Variants in LRP1B observed in about 807,000 individuals in gnomAD.
LRP1B encodes low-density lipoprotein receptor-related protein 1B.
LRP1B carries 217 observed loss-of-function variants against 556.6 expected under a neutral mutation model. The ratio of observed to expected loss-of-function variants is 0.39; its 90% CI spans 0.35 to 0.44. The LOEUF is 0.44. Ranked by LOEUF, LRP1B falls within the 20% of genes least tolerant of loss-of-function variation. The probability of loss-of-function intolerance (pLI) is 1.00; values close to 1 mark genes in which losing one functional copy is unlikely to be tolerated. For missense variants in LRP1B, 5,053 were observed against 5,620.8 expected (o/e 0.90, Z 3.23); for synonymous variants, 2,047 against 1,865.8 (o/e 1.10, Z -2.50).
chr2:140,905,996 TG>T (rs1310170013), intron 22 of LRP1B, among the ~76,000 whole-genome samples: 1 of 152,154 alleles, frequency 6.6e-6, no homozygotes, highest in Admixed American at 6.6e-5. Context: ...TTCACATTCT[TG>T]GGTTCTCCTT....
At chr2:141,518,034 T>C (rs1684387020) in intron 2 of LRP1B, among the ~76,000 whole-genome samples, 1 of 152,100 alleles carries the variant, frequency 6.6e-6, no homozygotes, top group Non-Finnish European at 1.5e-5. Flanking sequence ...TCCCTGACAT[T>C]ATGACATTTA....
At chr2:141,388,324 T>C (rs773771965) in intron 3 of LRP1B, among the ~76,000 whole-genome samples, 8 of 152,034 alleles carry the variant, frequency 5.3e-5, no homozygotes, top group Non-Finnish European at 1.2e-4. Context: ...TAATCCCAGC[T>C]ACTTGGGAGG....
chr2:140,312,904 A>G (rs1052172940), intron 83 of LRP1B, among the ~76,000 whole-genome samples: 3 of 151,954 alleles, frequency 2.0e-5, no homozygotes, highest in Non-Finnish European at 2.9e-5. Flanking sequence ...TTATTGTCCT[A>G]TACAACTGTC....
chr2:140,869,787 T>TTCCA (rs1312162102), intron 25 of LRP1B, among the ~76,000 whole-genome samples: 4 of 151,818 alleles, frequency 2.6e-5, no homozygotes, highest in Non-Finnish European at 4.4e-5. Flanking sequence ...TGTATAGGGG[T>TTCCA]TCCACTAAGT....
intron 23 of LRP1B, among the ~76,000 whole-genome samples, chr2:140,894,088 G>T (rs2105207145): frequency 6.6e-6 from 1 of 152,288 alleles, no homozygotes; most frequent in Middle Eastern, 3.4e-3. Context: ...AGAAATAAAA[G>T]AATGGATGAC....
intron 7 of LRP1B, among the ~76,000 whole-genome samples, chr2:141,145,333 A>C: frequency 6.6e-6 from 1 of 152,094 alleles, no homozygotes; most frequent in East Asian, 1.9e-4. Flanking sequence ...ACTGTATATA[A>C]GTGTACACTG....
At chr2:141,819,056 T>C (rs905061153) in intron 1 of LRP1B, among the ~76,000 whole-genome samples, 2 of 151,048 alleles carry the variant, frequency 1.3e-5, no homozygotes, top group Non-Finnish European at 3.0e-5. Flanking sequence ...CTGACCAACA[T>C]GGTGAAACCC....
chr2:140,621,237 T>G (rs1683439823), intron 41 of LRP1B, among the ~76,000 whole-genome samples: 1 of 149,736 alleles, frequency 6.7e-6, no homozygotes, highest in African/African-American at 2.5e-5. Flanking sequence ...AAAAAAAAAA[T>G]TAGCCGGGTG....
chr2:140,796,053 A>ATGTC lies in LRP1B; in HGVS notation c.5359+17603_5359+17604insGACA, dbSNP rs72159402. 8.3e-4 allele frequency among the ~76,000 whole-genome samples: 126 copies of ATGTC among 151,148 alleles called. 4 individuals carry two copies. The East Asian group carries it at 0.022, about 27-fold the overall frequency. On this transcript the variant is annotated intron_variant, in intron 32 of 90. Transcript: ENST00000389484. ...TATGTAACAATTATGTCCCTGCTCT[A>ATGTC]TATCTATCTATCTATCTATCTATGT...
chr2:141,258,546 T>G (rs1684568351), intron 3 of LRP1B, among the ~76,000 whole-genome samples: 1 of 152,178 alleles, frequency 6.6e-6, no homozygotes, highest in African/African-American at 2.4e-5. Context: ...AAGATTCCCC[T>G]GACACAGATC....
At chr2:140,828,983 T>C (rs1691622992) in intron 31 of LRP1B, among the ~76,000 whole-genome samples, 1 of 152,020 alleles carries the variant, frequency 6.6e-6, no homozygotes, top group Non-Finnish European at 1.5e-5. Flanking sequence ...AGAGTAACTA[T>C]TCTTATAGTA....
At chr2:141,872,070 G>A (rs1698606939) in intron 1 of LRP1B, among the ~76,000 whole-genome samples, 1 of 151,860 alleles carries the variant, frequency 6.6e-6, no homozygotes, top group East Asian at 2.0e-4. Flanking sequence ...CTTAGTAGAT[G>A]AGAGATTTAG....
intron 32 of LRP1B, among the ~76,000 whole-genome samples, chr2:140,800,908 A>G (rs1331977770): frequency 6.6e-6 from 1 of 152,040 alleles, no homozygotes; most frequent in African/African-American, 2.4e-5. Flanking sequence ...TAATATCTTA[A>G]CTTTTTATTT....
intron 3 of LRP1B, among the ~76,000 whole-genome samples, chr2:141,266,413 T>G (rs973271766): frequency 2.6e-5 from 4 of 152,128 alleles, no homozygotes; most frequent in Non-Finnish European, 4.4e-5. Context: ...TTCAATTTAC[T>G]TTTATGATTT....
At chr2:140,719,636 C>G (rs1290675296) in intron 35 of LRP1B, among the ~76,000 whole-genome samples, 1 of 152,018 alleles carries the variant, frequency 6.6e-6, no homozygotes, top group African/African-American at 2.4e-5. Context: ...CCCAAATTTT[C>G]TCAATATAGT....
chr2:140,513,570 T>C (rs1689754275), intron 51 of LRP1B, among the ~76,000 whole-genome samples: 1 of 151,994 alleles, frequency 6.6e-6, no homozygotes, highest in African/African-American at 2.4e-5. Flanking sequence ...TGGTTTCAGC[T>C]GTGTAAATAA....
chr2:140,806,827 T>C lies in LRP1B; in HGVS notation c.5359+6830A>G, dbSNP rs1037791006. Among the ~76,000 whole-genome samples the C allele has an allele frequency of 2.6e-5, 4 of 152,214 alleles. No individual in the cohort carries two copies. In the South Asian group the frequency reaches 8.3e-4, roughly 31 times the overall value. ...AGCTATCATCCTTCTATTTCGTGAATTCCGTCATAATTTTCAACAAGAAAT... is the reference window on the plus strand; with the variant it reads ...AGCTATCATCCTTCTATTTCGTGAACTCCGTCATAATTTTCAACAAGAAAT... On this transcript the variant is annotated intron_variant, in intron 32 of 90. Transcript: ENST00000389484.
At chr2:141,105,747 T>A (rs1313680342) in intron 7 of LRP1B, among the ~76,000 whole-genome samples, 1 of 152,192 alleles carries the variant, frequency 6.6e-6, no homozygotes, top group African/African-American at 2.4e-5. Context: ...TCAAAAAATG[T>A]ATACCTGTTT....
At chr2:140,950,142 T>G in intron 20 of LRP1B, 93 bp downstream of exon 20, 1 of 974,968 alleles carries the variant, frequency 1.0e-6, no homozygotes, top group Non-Finnish European at 1.4e-6. Flanking sequence ...AATAAGCAAT[T>G]TCTTTTTATA....
Sources: allele counts gnomAD v4.1 joint callset (sites outside exome capture counted in the v4.1 genomes callset), GRCh38; gene constraint gnomAD v4.1.1; transcripts MANE v1.5; gene names NCBI Gene and HGNC (gene_info 2026-07-23, HGNC 2026-07-21).